EXOC3: variants seen among roughly 807,000 people sequenced by gnomAD.
EXOC3 encodes the protein exocyst complex component 3.
Under a neutral mutation model 73.7 loss-of-function variants are expected in EXOC3, and 21 were observed. That is an observed-to-expected ratio of 0.29 (90% CI 0.20 to 0.41). The LOEUF (loss-of-function observed/expected upper bound fraction) is 0.41. EXOC3 is among the 10% of genes least tolerant of loss of function. EXOC3 has a pLI of 1.00. For synonymous variants in EXOC3, 410 were observed against 389.1 expected (o/e 1.05, Z -0.63); for missense variants, 842 against 985.1 (o/e 0.85, Z 1.95).
rs968120244 is a variant in EXOC3 at position 443,686 on chromosome 5, C to T, written c.-57+396C>T. Among the ~76,000 whole-genome samples, 12 of 151,128 alleles carry T rather than the reference C, an allele frequency of 7.9e-5. No homozygotes were observed. The East Asian group carries it at 2.3e-3, about 29-fold the overall frequency. On this transcript the variant is annotated intron_variant, in intron 1 of 12. Transcript: ENST00000512944. ...CAGATGTCCCTCCAGGCACAAGTGT[C>T]CTTCCTGGCGCAGGTGTCCCCTCGG...
chr5:462,616 GCACA>G (rs938256083), intron 9 of EXOC3: 20 of 364,042 alleles, frequency 5.5e-5, no homozygotes, highest in African/African-American at 2.4e-4. Context: ...AATTGAGAGT[GCACA>G]CACACACACA....
intron 6 of EXOC3, among the ~76,000 whole-genome samples, chr5:458,584 G>A (rs919216551): frequency 7.2e-5 from 11 of 152,178 alleles, no homozygotes; most frequent in African/African-American, 2.4e-4. Flanking sequence ...TTTTTACCAC[G>A]GATTCACTTT....
At chr5:465,543 A>G (rs999283894) in intron 11 of EXOC3, among the ~76,000 whole-genome samples, 175 bp from the exon 12 acceptor site, 2 of 152,210 alleles carry the variant, frequency 1.3e-5, no homozygotes, top group African/African-American at 2.4e-5. Flanking sequence ...GCTGCCTCCC[A>G]CGGTCTCGCC....
chr5:445,836 G>A (rs527529896), intron 1 of EXOC3, among the ~76,000 whole-genome samples: 357 of 152,302 alleles, frequency 2.3e-3, no homozygotes, highest in African/African-American at 8.3e-3. Flanking sequence ...GCCCTGTCTT[G>A]GGGAGAGATG....
intron 3 of EXOC3, among the ~76,000 whole-genome samples, chr5:449,761 G>T (rs1340594946): frequency 6.6e-6 from 1 of 152,236 alleles, no homozygotes; most frequent in East Asian, 1.9e-4. Context: ...GAACATGGGT[G>T]TACAGATGTT....
chr5:445,296 A>G (rs987098241), intron 1 of EXOC3, among the ~76,000 whole-genome samples: 1 of 152,202 alleles, frequency 6.6e-6, no homozygotes, highest in Non-Finnish European at 1.5e-5. Flanking sequence ...GACAGTTAAA[A>G]AAGGGGGAAA....
intron 7 of EXOC3, among the ~76,000 whole-genome samples, chr5:461,147 G>A (rs1436275896): frequency 7.0e-6 from 1 of 143,724 alleles, no homozygotes; most frequent in Non-Finnish European, 1.5e-5. Context: ...GAGTTTCTAG[G>A]TGAAGTGTAT....
rs780454697 is a variant in EXOC3, at chr5:453,621, C to T, written c.616C>T (p.Pro206Ser). The T allele has an allele frequency of 1.9e-6, 3 of 1,613,992 alleles. No homozygotes were observed. The highest frequency in any genetic ancestry group is 2.2e-5 in the East Asian group (1 of 44,892). ...QRSLVTVRRD[P>S]TLLVSVVRII... is the part of the protein sequence containing the mutation. The stretch of plus-strand genomic sequence containing the variant: ...GTCACTGGTCACTGTCCGCCGTGAC[C>T]CCACCTTGCTGGTCTCAGTTGTCAG... The change falls in exon 4 of 13, where the codon CCC (proline) becomes TCC (serine). Residue 206 changes from proline (P) to serine (S), a missense_variant. By Grantham distance (74) the Pro-to-Ser change is moderately conservative. Transcript: ENST00000512944.
chr5:444,405 C>G (rs1737441372), intron 1 of EXOC3, among the ~76,000 whole-genome samples: 1 of 152,228 alleles, frequency 6.6e-6, no homozygotes, highest in East Asian at 1.9e-4. Flanking sequence ...CTTCCACCCA[C>G]AGCGTGACAG....
chr5:458,642 C>T (rs187241414), intron 6 of EXOC3, among the ~76,000 whole-genome samples: 3 of 152,240 alleles, frequency 2.0e-5, no homozygotes, highest in Non-Finnish European at 2.9e-5. Flanking sequence ...GTTCTTACCA[C>T]GGATTCACTT....
chr5:464,410 A>C lies in EXOC3; in HGVS notation c.1774A>C (p.Lys592Gln), dbSNP rs764688723. 6.2e-7 allele frequency: 1 copy of C among 1,613,368 alleles called. No individual in the cohort carries two copies. Reference sequence around the variant, plus strand: ...TGCCAAAATTAAAAAGCCGTATAAGAAGGTAAGAAGGTGGGACCTAGTTCC... The same window carrying C: ...TGCCAAAATTAAAAAGCCGTATAAGCAGGTAAGAAGGTGGGACCTAGTTCC... Reference protein sequence around the residue: ...DFAKIKKPYKKRMTAEAHRRV... With the variant: ...DFAKIKKPYKQRMTAEAHRRV... Residue 592 changes from lysine to glutamine, a missense_variant and splice_region_variant, in exon 10 of 13, where the codon AAG becomes CAG. Coordinates refer to ENST00000512944, the MANE Select transcript of EXOC3 (RefSeq NM_007277.5).
At chr5:465,360 G>C in intron 11 of EXOC3, 88 bp downstream of exon 11, 1 of 1,411,722 alleles carries the variant, frequency 7.1e-7, no homozygotes, top group Non-Finnish European at 9.6e-7. Context: ...CCAGTAGATG[G>C]GAGTGTGTCG....
intron 5 of EXOC3, 190 bp from the exon 6 acceptor site, chr5:457,710 G>C: frequency 1.7e-6 from 1 of 576,096 alleles, no homozygotes; most frequent in South Asian, 2.1e-5. Context: ...CCTGCGGGCT[G>C]CTGTGGTCAC....
chr5:457,934 A>C lies in EXOC3; in HGVS notation c.1199A>C (p.Glu400Ala). 6.2e-7 allele frequency: 1 copy of C among 1,610,996 alleles called. No homozygotes were observed. The highest frequency in any genetic ancestry group is 8.5e-7 in the Non-Finnish European group (1 of 1,178,394). The change falls in exon 6 of 13, where the codon GAG becomes GCG. Residue 400 changes from glutamate to alanine, a missense_variant. Physicochemically the swap from Glu to Ala is moderately radical, Grantham distance 107 (BLOSUM62 -1). Transcript: ENST00000512944. ...NIIAWLRKAL[E>A]TDKKDWVKET... The stretch of plus-strand genomic sequence containing the variant: ...ATCGCCTGGCTGCGGAAAGCGCTGG[A>C]GACAGACAAGAAAGACTGGGTCAAA...
rs1476592585 is a variant in EXOC3 at position 443,177 on chromosome 5, C to T, written c.-170C>T. ...AGCGGAAGTGCCCGCGCGCTGTCCA[C>T]TTCCGGCCGGGACCCCGGAGGCGGA... On this transcript the variant is annotated 5_prime_UTR_variant, in exon 1 of 13. Transcript: ENST00000512944. 4.5e-5 allele frequency: 7 copies of T among 155,130 alleles called. No homozygotes were observed. The Admixed American group carries it at 4.7e-4, about 10-fold the overall frequency. 9.6% of individuals were successfully genotyped at this position (155,130 alleles called of 1,614,324 possible). A position where few individuals can be genotyped will look rare whatever the true frequency, so the allele number is the denominator to read the frequency against.
chr5:455,279 G>A (rs1410775650), intron 4 of EXOC3, among the ~76,000 whole-genome samples: 1 of 152,234 alleles, frequency 6.6e-6, no homozygotes, highest in Admixed American at 6.5e-5. Context: ...AGGCTGGGCT[G>A]TGCATGTGTG....
Position 465,134 on chromosome 5 carries a change from G to T in EXOC3, c.1800G>T (p.Arg600=), listed in dbSNP as rs761460456. 4.4e-6 allele frequency: 7 copies of T among 1,590,246 alleles called. No homozygotes were observed. Among genetic ancestry groups the T allele is most frequent in the African/African-American group, 2.7e-5 (2 of 74,606 alleles). The stretch of plus-strand genomic sequence containing the variant: ...AGAGGATGACGGCCGAGGCGCACCG[G>T]CGCGTGGTGGTGGAGTACCTGCGGG... The part of the protein sequence containing the change: ...YKKRMTAEAH[R]RVVVEYLRAV... The change falls in exon 11 of 13, where the codon CGG becomes CGT. Residue 600 remains arginine, a synonymous_variant. Transcript: ENST00000512944.
intron 12 of EXOC3, chr5:466,365 C>T: frequency 3.7e-6 from 1 of 272,362 alleles, no homozygotes; most frequent in Non-Finnish European, 6.9e-6. Flanking sequence ...CTCAGGGCAC[C>T]TGCCACTTCC....
chr5:465,045 T>G, intron 10 of EXOC3, 66 bp from the exon 11 acceptor site: 1 of 1,453,442 alleles, frequency 6.9e-7, no homozygotes, highest in Non-Finnish European at 9.1e-7. Flanking sequence ...CAGCCTGGGT[T>G]TCAATGAGGG....
Sources: gnomAD v4.1 joint callset for allele counts (sites outside exome capture counted in the v4.1 genomes callset) on GRCh38, gnomAD v4.1.1 for gene constraint, MANE v1.5 for transcripts, NCBI Gene and HGNC (gene_info 2026-07-23, HGNC 2026-07-21) for gene names.